Variants in DGLUCY observed in about 807,000 individuals in gnomAD.
DGLUCY encodes D-glutamate cyclase, mitochondrial.
DGLUCY carries 58 observed loss-of-function variants against 58.5 expected under a neutral mutation model. The observed-to-expected ratio is 0.99, with a 90% CI of 0.80 to 1.23. The LOEUF (loss-of-function observed/expected upper bound fraction) is 1.23. Among genes scored for constraint, DGLUCY ranks in the 50% most tolerant of loss-of-function variants. The probability of loss-of-function intolerance (pLI) is 0.00; values close to 1 mark genes in which losing one functional copy is unlikely to be tolerated. For missense variants in DGLUCY, 779 were observed against 784.7 expected (o/e 0.99, Z 0.09); for synonymous variants, 325 against 314.1 (o/e 1.03, Z -0.37).
rs568444435 is a variant in DGLUCY at position 91,176,576 on chromosome 14, C to T, written c.730+520C>T. 4.6e-5 allele frequency among the ~76,000 whole-genome samples: 7 copies of T among 152,236 alleles called. No individual in the cohort carries two copies. In the East Asian group the frequency reaches 1.4e-3, roughly 29 times the overall value. ...GGATCTCCTTACCAGAGCACTTTGTCTTACAACTCAATTTTTTTGTCGTTG... is the reference window on the plus strand; with the variant it reads ...GGATCTCCTTACCAGAGCACTTTGTTTTACAACTCAATTTTTTTGTCGTTG... On this transcript the variant is annotated intron_variant, in intron 7 of 13. Transcript: ENST00000256324.
chr14:91,110,430 C>CTTTTTTTTTTTTTTT (rs10711938), upstream of DGLUCY, among the ~76,000 whole-genome samples: 1 of 88,096 alleles, frequency 1.1e-5, no homozygotes, highest in Non-Finnish European at 2.3e-5. Flanking sequence ...TTCTTTCTTT[C>CTTTTTTTTTTTTTTT]TTTTTTTTTT....
chr14:91,061,500 A>G (rs2043682099), intron 1 of DGLUCY, among the ~76,000 whole-genome samples: 1 of 152,258 alleles, frequency 6.6e-6, no homozygotes, highest in Non-Finnish European at 1.5e-5. Context: ...AATTTGAAAT[A>G]AAGCAGTCGT....
intron 1 of DGLUCY, among the ~76,000 whole-genome samples, chr14:91,090,361 C>T (rs1358972724): frequency 2.0e-5 from 3 of 152,196 alleles, no homozygotes; most frequent in Admixed American, 6.5e-5. Flanking sequence ...GTGAATTTGC[C>T]TCCACATGCT....
intron 1 of DGLUCY, among the ~76,000 whole-genome samples, chr14:91,122,637 C>G (rs1374031050): frequency 8.2e-6 from 1 of 122,162 alleles, no homozygotes; most frequent in African/African-American, 3.4e-5. Flanking sequence ...GAGTCTCACT[C>G]TGTCGCCCAG....
At chr14:91,162,638 T>G (rs558527057) in intron 3 of DGLUCY, among the ~76,000 whole-genome samples, 3 of 152,324 alleles carry the variant, frequency 2.0e-5, no homozygotes, top group African/African-American at 7.2e-5. Flanking sequence ...GGCGCACGCC[T>G]GTAATCCCAG....
At position 91,173,630 on chromosome 14, in the gene DGLUCY, C is replaced by T. The variant is rs181019549; in HGVS notation, c.607+191C>T. ...AAGCAGACAGGAGTTTGCCACGTTC[C>T]TAAGCTCCCATGGCTTGTCTTTGTT... On this transcript the variant is annotated intron_variant, in intron 6 of 13. Coordinates refer to ENST00000256324, the MANE Select transcript of DGLUCY (RefSeq NM_001102368.3). 5.6e-6 allele frequency: 4 copies of T among 719,272 alleles called. No homozygotes were observed. The African/African-American group carries it at 7.3e-5, about 13-fold the overall frequency. The allele number at this position is 719,272 out of a possible 1,614,324, so 44.6% of individuals were successfully genotyped here. A position where few individuals can be genotyped will look rare whatever the true frequency, so the allele number is the denominator to read the frequency against.
upstream of DGLUCY, among the ~76,000 whole-genome samples, chr14:91,110,180 A>G (rs1197559599): frequency 6.6e-6 from 1 of 152,218 alleles, no homozygotes; most frequent in Non-Finnish European, 1.5e-5. Flanking sequence ...GAATATTGTA[A>G]TATTTCTCTT....
intron 1 of DGLUCY, among the ~76,000 whole-genome samples, chr14:91,097,798 C>A (rs567572301): frequency 2.6e-5 from 4 of 152,248 alleles, no homozygotes; most frequent in Admixed American, 1.3e-4. Flanking sequence ...TTCAGCCTCC[C>A]TGGTAGCTGG....
At chr14:91,072,011 G>A (rs1426544850) in intron 1 of DGLUCY, among the ~76,000 whole-genome samples, 1 of 152,000 alleles carries the variant, frequency 6.6e-6, no homozygotes, top group East Asian at 1.9e-4. Context: ...TTAATGGCTG[G>A]AAAATAATCC....
intron 3 of DGLUCY, among the ~76,000 whole-genome samples, chr14:91,163,172 A>G (rs1045032049): frequency 6.6e-6 from 1 of 151,894 alleles, no homozygotes; most frequent in Non-Finnish European, 1.5e-5. Flanking sequence ...AGGCAGGGGA[A>G]TTGCTTGAAC....
chr14:91,089,452 C>T (rs1303941071), intron 1 of DGLUCY, among the ~76,000 whole-genome samples: 1 of 152,228 alleles, frequency 6.6e-6, no homozygotes, highest in Non-Finnish European at 1.5e-5. Flanking sequence ...AGCAGCTTTG[C>T]GTGCTTTATG....
chr14:91,145,359 C>G (rs1328237969), intron 1 of DGLUCY: 1 of 152,246 alleles, frequency 6.6e-6, no homozygotes, highest in Non-Finnish European at 1.5e-5. Flanking sequence ...TTCCTTTGTC[C>G]TGTGTATCAC....
At chr14:91,189,800 C>T (rs2049756811) in intron 9 of DGLUCY, 2 of 153,926 alleles carry the variant, frequency 1.3e-5, no homozygotes, top group African/African-American at 2.4e-5. Context: ...AAAATGCATT[C>T]TTCAGAGGTA....
At chr14:91,175,741 G>A in intron 6 of DGLUCY, 193 bp from the exon 7 acceptor site, 1 of 520,708 alleles carries the variant, frequency 1.9e-6, no homozygotes, top group South Asian at 2.0e-5. Context: ...CATGCCACAT[G>A]GACTGTAAAT....
chr14:91,199,717 C>G, intron 10 of DGLUCY, 40 bp from the exon 11 acceptor site: 1 of 1,610,676 alleles, frequency 6.2e-7, no homozygotes, highest in Non-Finnish European at 8.5e-7. Context: ...AGCCACCTCT[C>G]CATAGGACCC....
chr14:91,099,405 A>C (rs1285161040), intron 1 of DGLUCY, among the ~76,000 whole-genome samples: 3 of 151,956 alleles, frequency 2.0e-5, no homozygotes, highest in African/African-American at 7.2e-5. Context: ...TGGGAGCATA[A>C]ACATGTAGTC....
intron 1 of DGLUCY, among the ~76,000 whole-genome samples, chr14:91,108,866 T>A (rs2044647147): frequency 6.6e-6 from 1 of 152,064 alleles, no homozygotes; most frequent in African/African-American, 2.4e-5. Context: ...AAATAAATGA[T>A]GTAACCAAAA....
At chr14:91,068,086 C>CACAT (rs1324293558) in intron 1 of DGLUCY, among the ~76,000 whole-genome samples, 2 of 135,552 alleles carry the variant, frequency 1.5e-5, no homozygotes, top group Non-Finnish European at 3.0e-5. Flanking sequence ...CACGCACACA[C>CACAT]ACACACACAC....
chr14:91,145,572 G>A (rs1401600413), intron 1 of DGLUCY, among the ~76,000 whole-genome samples: 1 of 152,138 alleles, frequency 6.6e-6, no homozygotes, highest in Non-Finnish European at 1.5e-5. Context: ...GGAGAACCAA[G>A]ACGGGGTTGA....
Sources: allele counts gnomAD v4.1 joint callset (sites outside exome capture counted in the v4.1 genomes callset), GRCh38; gene constraint gnomAD v4.1.1; transcripts MANE v1.5; gene names NCBI Gene and HGNC (gene_info 2026-07-23, HGNC 2026-07-21).